ERC1: variants seen among roughly 807,000 people sequenced by gnomAD.
ERC1 encodes ELKS/RAB6-interacting/CAST family member 1, also known as RAB6 interacting protein 2.
Under a neutral mutation model 132.0 loss-of-function variants are expected in ERC1, and 56 were observed. The observed-to-expected ratio is 0.42, with a 90% CI of 0.34 to 0.53. The LOEUF (loss-of-function observed/expected upper bound fraction) is 0.53, where lower values mean the gene tolerates loss of function less well. Ranked by LOEUF, ERC1 falls within the 20% of genes least tolerant of loss-of-function variation. ERC1 has a pLI of 0.03. For synonymous variants in ERC1, 478 were observed against 476.1 expected, an observed-to-expected ratio of 1.00 and a Z score of -0.05; for missense variants, 1,202 against 1,349.9, an observed-to-expected ratio of 0.89 and a Z score of 1.72.
chr12:1,367,973 T>TTA (rs1555377018), intron 15 of ERC1, among the ~76,000 whole-genome samples: 1 of 145,978 alleles, frequency 6.9e-6, no homozygotes, highest in African/African-American at 2.6e-5. Flanking sequence ...TTTTTTTTTT[T>TTA]AACTCTGGAA....
In ERC1 at chr12:1,482,886, C is replaced by T. The variant is rs554041666; in HGVS notation, c.3214-7207C>T. ...CAATTTTTGAACATTTTTGTCACCC[C>T]AAAGGGAAGCCCCCACCTATTAGCA... On this transcript the variant is annotated intron_variant, in intron 18 of 18. Coordinates refer to ENST00000360905, the MANE Select transcript of ERC1 (RefSeq NM_178040.4). Among the ~76,000 whole-genome samples the T allele has an allele frequency of 2.6e-5, 4 of 152,270 alleles. No individual in the cohort carries two copies. The East Asian group carries it at 7.7e-4, about 29-fold the overall frequency.
chr12:1,232,588 A>C (rs1299124018), intron 12 of ERC1, among the ~76,000 whole-genome samples: 2 of 151,750 alleles, frequency 1.3e-5, no homozygotes, highest in Non-Finnish European at 2.9e-5. Context: ...TTTCCTATTG[A>C]AGCTATTAAT....
At chr12:1,102,724 T>G (rs1944809464) in intron 3 of ERC1, among the ~76,000 whole-genome samples, 1 of 152,158 alleles carries the variant, frequency 6.6e-6, no homozygotes, top group Middle Eastern at 3.2e-3. Context: ...TCGTAGAGAA[T>G]AATAAGTAAA....
chr12:1,348,520 C>A (rs1371094535), intron 15 of ERC1, among the ~76,000 whole-genome samples: 3 of 151,978 alleles, frequency 2.0e-5, no homozygotes, highest in Non-Finnish European at 4.4e-5. Context: ...TGGTGAAACC[C>A]CGTCTCTACC....
chr12:1,331,098 C>G (rs1211598349), intron 15 of ERC1, among the ~76,000 whole-genome samples: 1 of 152,216 alleles, frequency 6.6e-6, no homozygotes, highest in East Asian at 1.9e-4. Context: ...TTTATGTAAC[C>G]TGACACCCAA....
At chr12:1,252,119 A>G (rs2076506237) in intron 13 of ERC1, among the ~76,000 whole-genome samples, 1 of 152,124 alleles carries the variant, frequency 6.6e-6, no homozygotes, top group Admixed American at 6.5e-5. Context: ...TCAAGCATTT[A>G]TCATTTCTCT....
chr12:1,167,477 A>G (rs1448115994), intron 8 of ERC1, among the ~76,000 whole-genome samples: 1 of 152,198 alleles, frequency 6.6e-6, no homozygotes, highest in African/African-American at 2.4e-5. Context: ...GCAGCCTTTT[A>G]TGCTCTTCCT....
At chr12:1,063,071 CT>C (rs983907093) in intron 2 of ERC1, among the ~76,000 whole-genome samples, 5 of 150,768 alleles carry the variant, frequency 3.3e-5, no homozygotes, top group Middle Eastern at 3.4e-3. Context: ...CCTTCATTTT[CT>C]TTTTTTTTGA....
At chr12:1,468,269 A>T (rs1271608746) in intron 18 of ERC1, among the ~76,000 whole-genome samples, 1 of 152,122 alleles carries the variant, frequency 6.6e-6, no homozygotes, top group Non-Finnish European at 1.5e-5. Flanking sequence ...GAAAAGCTGC[A>T]GGGGGAAGGC....
At chr12:1,178,482 ATGAT>A (rs1174311711) in intron 8 of ERC1, among the ~76,000 whole-genome samples, 2 of 152,170 alleles carry the variant, frequency 1.3e-5, no homozygotes, top group African/African-American at 2.4e-5. Flanking sequence ...CAGTGCTATA[ATGAT>A]TGATAGATAG....
At chr12:1,105,142 G>C (rs1302500057) in intron 4 of ERC1, among the ~76,000 whole-genome samples, 1 of 152,132 alleles carries the variant, frequency 6.6e-6, no homozygotes, top group Admixed American at 6.5e-5. Flanking sequence ...GAAAATGTCT[G>C]CCAGATACCA....
intron 16 of ERC1, among the ~76,000 whole-genome samples, chr12:1,397,718 A>T (rs186394391): frequency 6.6e-6 from 1 of 152,342 alleles, no homozygotes; most frequent in East Asian, 1.9e-4. Context: ...GATAGAGGAG[A>T]CAGGGGTGGA....
At chr12:1,156,829 G>A (rs1046603959) in intron 8 of ERC1, among the ~76,000 whole-genome samples, 1 of 151,898 alleles carries the variant, frequency 6.6e-6, no homozygotes, top group South Asian at 2.1e-4. Flanking sequence ...GTTTTAATTG[G>A]GAGGTATATG....
At chr12:1,057,893 C>A (rs1376875371) in intron 2 of ERC1, among the ~76,000 whole-genome samples, 1 of 152,036 alleles carries the variant, frequency 6.6e-6, no homozygotes, top group Non-Finnish European at 1.5e-5. Flanking sequence ...CGCACCCGGC[C>A]TAAAATTTTT....
At chr12:1,374,824 A>ATTTTTTTTTTT (rs5795968) in intron 16 of ERC1, among the ~76,000 whole-genome samples, 5 of 124,578 alleles carry the variant, frequency 4.0e-5, no homozygotes, top group Non-Finnish European at 5.0e-5. Context: ...ACAGGCTGGG[A>ATTTTTTTTTTT]TTTTTTTTTT....
At chr12:1,042,115 G>A (rs1970309206) in intron 2 of ERC1, among the ~76,000 whole-genome samples, 1 of 152,000 alleles carries the variant, frequency 6.6e-6, no homozygotes, top group African/African-American at 2.4e-5. Context: ...TCCGCTCATT[G>A]CACGCTCCGC....
chr12:1,055,335 A>G (rs1972754146), intron 2 of ERC1, among the ~76,000 whole-genome samples: 1 of 152,026 alleles, frequency 6.6e-6, no homozygotes, highest in South Asian at 2.1e-4. Flanking sequence ...ATGTGCCACT[A>G]CACCCGGCTA....
At chr12:1,161,098 C>G (rs1434484272) in intron 8 of ERC1, among the ~76,000 whole-genome samples, 1 of 152,172 alleles carries the variant, frequency 6.6e-6, no homozygotes, top group Non-Finnish European at 1.5e-5. Context: ...TCTTTCTAAA[C>G]CGTCCTCATT....
At chr12:1,036,330 A>G (rs907917319) in intron 2 of ERC1, among the ~76,000 whole-genome samples, 10 of 147,670 alleles carry the variant, frequency 6.8e-5, no homozygotes, top group African/African-American at 2.5e-4. Context: ...TTGTATCTTG[A>G]TTTGCCGCAT....
Sources: gnomAD v4.1 joint callset for allele counts (sites outside exome capture counted in the v4.1 genomes callset) on GRCh38, gnomAD v4.1.1 for gene constraint, MANE v1.5 for transcripts, NCBI Gene and HGNC (gene_info 2026-07-23, HGNC 2026-07-21) for gene names.